Variants in TMEM132D observed in about 807,000 individuals in gnomAD.
The protein encoded by TMEM132D is transmembrane protein 132D, also known as mature OL transmembrane protein.
TMEM132D carries 21 observed loss-of-function variants against 62.3 expected under a neutral mutation model. That is an observed-to-expected ratio of 0.34 (90% confidence interval 0.24 to 0.49). The LOEUF is 0.49. Among genes scored for constraint, TMEM132D ranks in the 20% least tolerant of loss-of-function variants. TMEM132D has a pLI of 0.99. For missense variants in TMEM132D, 1,346 were observed against 1,402.8 expected (o/e 0.96, Z 0.65); for synonymous variants, 621 against 575.6 (o/e 1.08, Z -1.13).
intron 2 of TMEM132D, among the ~76,000 whole-genome samples, chr12:129,583,104 A>T (rs536978214): frequency 6.6e-6 from 1 of 152,330 alleles, no homozygotes; most frequent in South Asian, 2.1e-4. Context: ...CACTGTGCCC[A>T]GCCCTGAGAC....
chr12:129,120,697 T>C (rs1876032562), intron 5 of TMEM132D, among the ~76,000 whole-genome samples: 1 of 152,228 alleles, frequency 6.6e-6, no homozygotes, highest in African/African-American at 2.4e-5. Flanking sequence ...AATATTCATA[T>C]AATTCTCCTG....
At chr12:129,787,080 T>C (rs1231779743) in intron 1 of TMEM132D, among the ~76,000 whole-genome samples, 4 of 152,128 alleles carry the variant, frequency 2.6e-5, no homozygotes, top group Non-Finnish European at 5.9e-5. Context: ...TGTGAAAAGC[T>C]TTGCCCCAAA....
In TMEM132D at chr12:129,662,550, T is replaced by C. The variant is rs145826829; in HGVS notation, c.968+37260A>G. ...TGGCTCACGCCCATTATCCCAGCACTTTGGGAGGCCAAGGCAGGCGGATCA... is the reference window on the plus strand; with the variant it reads ...TGGCTCACGCCCATTATCCCAGCACCTTGGGAGGCCAAGGCAGGCGGATCA... On this transcript the variant is annotated intron_variant, in intron 2 of 8. Transcript: ENST00000422113. Among the ~76,000 whole-genome samples, 360 of 152,260 alleles carry C rather than the reference T, an allele frequency of 2.4e-3. 3 individuals are homozygous for C. The highest frequency in any genetic ancestry group is 8.2e-3 in the African/African-American group (341 of 41,558).
intron 1 of TMEM132D, among the ~76,000 whole-genome samples, chr12:129,888,391 T>G (rs758348356): frequency 3.3e-5 from 5 of 152,122 alleles, no homozygotes; most frequent in South Asian, 4.1e-4. Flanking sequence ...TATTTGAATC[T>G]TAGATTAAAA....
At chr12:129,505,618 G>A (rs1308711807) in intron 3 of TMEM132D, among the ~76,000 whole-genome samples, 1 of 152,116 alleles carries the variant, frequency 6.6e-6, no homozygotes, top group Non-Finnish European at 1.5e-5. Flanking sequence ...TGTCAGTGGA[G>A]TATTGAAGTC....
chr12:129,747,098 C>T (rs1303465362), intron 1 of TMEM132D, among the ~76,000 whole-genome samples: 1 of 67,042 alleles, frequency 1.5e-5, no homozygotes, highest in East Asian at 3.9e-4. Flanking sequence ...GCTCCAGTTC[C>T]TTGAGAGTAA....
At chr12:129,202,240 A>G (rs1878725410) in intron 5 of TMEM132D, among the ~76,000 whole-genome samples, 1 of 152,210 alleles carries the variant, frequency 6.6e-6, no homozygotes, top group African/African-American at 2.4e-5. Flanking sequence ...CTCTGCTCAG[A>G]GGCTTTCCAG....
intron 1 of TMEM132D, among the ~76,000 whole-genome samples, chr12:129,832,155 G>A (rs1389308097): frequency 1.3e-5 from 2 of 149,784 alleles, no homozygotes; most frequent in African/African-American, 2.5e-5. Flanking sequence ...CCAAAGAGCT[G>A]GGATTACAGG....
chr12:129,662,769 G>A (rs1307414147), intron 2 of TMEM132D, among the ~76,000 whole-genome samples: 1 of 129,100 alleles, frequency 7.7e-6, no homozygotes, highest in African/African-American at 2.9e-5. Flanking sequence ...CTCCAGCCTG[G>A]CGACAGAGCA....
chr12:129,484,915 T>C (rs556641362), intron 3 of TMEM132D, among the ~76,000 whole-genome samples: 1 of 152,204 alleles, frequency 6.6e-6, no homozygotes, highest in African/African-American at 2.4e-5. Flanking sequence ...TACTAAGCGG[T>C]TGGGTGGGGC....
chr12:129,167,158 TA>T (rs758480068), intron 5 of TMEM132D, among the ~76,000 whole-genome samples: 26 of 97,704 alleles, frequency 2.7e-4, no homozygotes, highest in African/African-American at 3.5e-4. Flanking sequence ...AGACTCTGTT[TA>T]AAAAAAAAAA....
In TMEM132D at chr12:129,182,539, G is replaced by A. The variant is rs981047273; in HGVS notation, c.1443+26981C>T. Reference sequence around the variant, plus strand: ...GCTGCAGTGCCATGTGGAAGGGAGCGTGCTGGCAAAGTCGCCTCTTCCTGG... The same window carrying A: ...GCTGCAGTGCCATGTGGAAGGGAGCATGCTGGCAAAGTCGCCTCTTCCTGG... On this transcript the variant is annotated intron_variant, in intron 5 of 8. Transcript: ENST00000422113. Among the ~76,000 whole-genome samples the A allele has an allele frequency of 5.9e-5, 9 of 152,188 alleles. No homozygotes were observed. In the East Asian group the frequency reaches 7.7e-4, roughly 13 times the overall value.
At chr12:129,802,061 A>T (rs2137308159) in intron 1 of TMEM132D, among the ~76,000 whole-genome samples, 1 of 149,044 alleles carries the variant, frequency 6.7e-6, no homozygotes, top group African/African-American at 2.5e-5. Context: ...TCTACGTCTG[A>T]TTGGTGTACC....
At chr12:129,647,243 G>GTTTT (rs57450911) in intron 2 of TMEM132D, among the ~76,000 whole-genome samples, 3,367 of 117,480 alleles carry the variant, frequency 0.029, 124 homozygotes, top group South Asian at 0.064. Context: ...TTGTTTTTCT[G>GTTTT]TTTTTTTTTT....
chr12:129,656,828 G>A (rs1040754847), intron 2 of TMEM132D, among the ~76,000 whole-genome samples: 10 of 152,046 alleles, frequency 6.6e-5, no homozygotes, highest in Admixed American at 1.3e-4. Context: ...AAAAAATGTG[G>A]TCCAGACAAG....
Position 129,093,539 on chromosome 12 carries a change from G to A in TMEM132D, c.1444-8837C>T, listed in dbSNP as rs940598497. Among the ~76,000 whole-genome samples the A allele has an allele frequency of 4.6e-5, 7 of 152,244 alleles. No individual in the cohort carries two copies. The East Asian group carries it at 5.8e-4, about 13-fold the overall frequency. On this transcript the variant is annotated intron_variant, in intron 5 of 8. Transcript: ENST00000422113. ...ACTGCTCAATGAAATAAAAGAGGAT[G>A]CAAACAAATGGAAGAACATCCCATG...
intron 5 of TMEM132D, among the ~76,000 whole-genome samples, chr12:129,202,717 C>A (rs1336070685): frequency 6.6e-6 from 1 of 152,118 alleles, no homozygotes; most frequent in Non-Finnish European, 1.5e-5. Flanking sequence ...ATGTGGCCAC[C>A]TGCAGAAAGA....
intron 1 of TMEM132D, among the ~76,000 whole-genome samples, chr12:129,820,498 C>G (rs1872515115): frequency 6.6e-6 from 1 of 152,162 alleles, no homozygotes; most frequent in Non-Finnish European, 1.5e-5. Context: ...ATCTCAAGCA[C>G]AGATGCAGAC....
At chr12:129,451,080 T>C (rs1364193704) in intron 3 of TMEM132D, among the ~76,000 whole-genome samples, 1 of 152,186 alleles carries the variant, frequency 6.6e-6, no homozygotes, top group East Asian at 1.9e-4. Context: ...TCACTTCTTA[T>C]GAGGCCTCCT....
Sources: allele counts gnomAD v4.1 joint callset (sites outside exome capture counted in the v4.1 genomes callset), GRCh38; gene constraint gnomAD v4.1.1; transcripts MANE v1.5; gene names NCBI Gene and HGNC (gene_info 2026-07-23, HGNC 2026-07-21).